MYO7B: variants seen among roughly 807,000 people sequenced by gnomAD.
MYO7B encodes the protein unconventional myosin-VIIb.
MYO7B carries 212 observed loss-of-function variants against 259.7 expected under a neutral mutation model. The ratio of observed to expected loss-of-function variants is 0.82; its 90% CI spans 0.73 to 0.91. MYO7B has a LOEUF of 0.91. MYO7B is among the 40% of genes least tolerant of loss of function. The pLI is 0.00. For missense variants in MYO7B, 2,732 were observed against 2,813.5 expected (o/e 0.97, Z 0.66); for synonymous variants, 1,197 against 1,166.4 (o/e 1.03, Z -0.54).
chr2:127,613,221 C>A lies in MYO7B; in HGVS notation c.3398+618C>A, dbSNP rs1034717258. On this transcript the variant is annotated intron_variant, in intron 26 of 47. Coordinates refer to ENST00000409816, the MANE Select transcript of MYO7B (RefSeq NM_001393586.1). This position sits in a 1 kb window ranked among gnomAD's most constrained non-coding sequence, Gnocchi z 4.3. ...AATCTAATTAAGCCTCTGTAAGATT[C>A]TTTTATATTGTTCTTCAGGTACCTA... is the stretch of plus-strand genomic sequence containing the variant. Among the ~76,000 whole-genome samples, 50 of 152,242 alleles carry A rather than the reference C, an allele frequency of 3.3e-4. No individual in the cohort carries two copies. Among genetic ancestry groups the A allele is most frequent in the African/African-American group, 1.2e-3 (48 of 41,548 alleles).
At chr2:127,582,101 G>C (rs1210571813) in intron 11 of MYO7B, 91 bp downstream of exon 11, 1 of 1,575,408 alleles carries the variant, frequency 6.3e-7, no homozygotes, top group East Asian at 2.3e-5. Context: ...ATGGAGCAGA[G>C]GGCCCTGGGC....
At position 127,636,348 on chromosome 2, in the gene MYO7B, C is replaced by T; in HGVS notation, c.6123+24C>T. The stretch of plus-strand genomic sequence containing the variant: ...AGGTAAACCTTGCCCCACGCCAGGG[C>T]CTCCTACCCAAGCAGGCTCCGCTCA... On this transcript the variant is annotated intron_variant, in intron 45 of 47. Transcript: ENST00000409816. The surrounding 1 kb of genome is among the most constrained non-coding windows in gnomAD (Gnocchi z 4.5). 1 of 1,594,316 alleles carries T rather than the reference C, an allele frequency of 6.3e-7. No individual in the cohort carries two copies.
intron 1 of MYO7B, among the ~76,000 whole-genome samples, chr2:127,549,999 T>C (rs531290957): frequency 2.2e-4 from 34 of 152,308 alleles, no homozygotes; most frequent in African/African-American, 8.2e-4. Context: ...TTTAAGAAGC[T>C]AGGACCATAG....
chr2:127,600,140 T>C (rs1408268276), intron 19 of MYO7B, among the ~76,000 whole-genome samples: 1 of 152,196 alleles, frequency 6.6e-6, no homozygotes, highest in African/African-American at 2.4e-5. Flanking sequence ...AATTTTTTTA[T>C]AGAGAGTTTT....
At chr2:127,601,566 T>C (rs2105006651) in intron 19 of MYO7B, among the ~76,000 whole-genome samples, 1 of 152,348 alleles carries the variant, frequency 6.6e-6, no homozygotes, top group African/African-American at 2.4e-5. Flanking sequence ...CTTCTCTGTC[T>C]CTGGTTATCT....
intron 30 of MYO7B, among the ~76,000 whole-genome samples, chr2:127,624,977 A>T (rs1681033778): frequency 6.6e-6 from 1 of 152,214 alleles, no homozygotes; most frequent in Admixed American, 6.5e-5. Flanking sequence ...TTGGTCTTCC[A>T]GAGGGAAGGG....
chr2:127,549,578 T>C (rs1047614818), intron 1 of MYO7B, among the ~76,000 whole-genome samples: 1 of 152,192 alleles, frequency 6.6e-6, no homozygotes, highest in African/African-American at 2.4e-5. Flanking sequence ...TTTCAGCAAT[T>C]GTTAGTTTCA....
chr2:127,617,410 G>A (rs867945829), intron 26 of MYO7B, among the ~76,000 whole-genome samples: 18 of 148,936 alleles, frequency 1.2e-4, no homozygotes, highest in Middle Eastern at 3.6e-3. Context: ...AAAACTTCCC[G>A]TTCTTTGTAC....
intron 2 of MYO7B, among the ~76,000 whole-genome samples, chr2:127,562,009 G>C (rs542917575): frequency 2.0e-4 from 30 of 146,688 alleles, no homozygotes; most frequent in African/African-American, 7.4e-4. Flanking sequence ...GAAAGAAAAA[G>C]AGAGAGAGAG....
chr2:127,554,369 C>T (rs902551977), intron 1 of MYO7B, among the ~76,000 whole-genome samples: 3 of 152,136 alleles, frequency 2.0e-5, no homozygotes, highest in Non-Finnish European at 2.9e-5. Flanking sequence ...CCACTGTGCC[C>T]GGACGTATCA....
chr2:127,577,297 G>A lies in MYO7B; in HGVS notation c.849+589G>A, dbSNP rs1390353149. Among the ~76,000 whole-genome samples the A allele has an allele frequency of 6.6e-6, 1 of 152,050 alleles. No individual in the cohort carries two copies. The highest frequency in any genetic ancestry group is 2.4e-5 in the African/African-American group (1 of 41,382). On this transcript the variant is annotated intron_variant, in intron 8 of 47. Transcript: ENST00000409816. The surrounding 1 kb of genome is among the most constrained non-coding windows in gnomAD (Gnocchi z 5.2). The stretch of plus-strand genomic sequence containing the variant: ...TCTCTCCTGGGTCCACTGCTCCAAG[G>A]CCTTCACCAGCCCCTGCCTAGACTT...
At chr2:127,553,043 C>T (rs1693508920) in intron 1 of MYO7B, among the ~76,000 whole-genome samples, 1 of 152,198 alleles carries the variant, frequency 6.6e-6, no homozygotes, top group South Asian at 2.1e-4. Context: ...CATTTCTTCT[C>T]AGAGCTTCCT....
intron 9 of MYO7B, 31 bp from the exon 10 acceptor site, chr2:127,580,715 T>C (rs1438380995): frequency 1.3e-6 from 2 of 1,597,644 alleles, no homozygotes; most frequent in African/African-American, 2.7e-5. Context: ...CAGGCTGCTT[T>C]CCAACTCAGC....
intron 19 of MYO7B, among the ~76,000 whole-genome samples, chr2:127,604,461 A>G (rs1280319750): frequency 1.3e-5 from 2 of 152,246 alleles, no homozygotes; most frequent in African/African-American, 4.8e-5. Flanking sequence ...CATATCAGCA[A>G]GAAGGCTGTT....
rs543391772 is a variant in MYO7B at position 127,597,272 on chromosome 2, C to G, written c.2339+716C>G. ...CGAGGCAGGCTGGCCACCCTGACTCCCAACATTTTAAATTAAACTTTTTGT... is the reference window on the plus strand; with the variant it reads ...CGAGGCAGGCTGGCCACCCTGACTCGCAACATTTTAAATTAAACTTTTTGT... On this transcript the variant is annotated intron_variant, in intron 19 of 47. Coordinates refer to ENST00000409816, the MANE Select transcript of MYO7B (RefSeq NM_001393586.1). The surrounding 1 kb of genome is among the most constrained non-coding windows in gnomAD (Gnocchi z 4.8). 8.5e-5 allele frequency among the ~76,000 whole-genome samples: 13 copies of G among 152,340 alleles called. 1 individual carries two copies. The highest frequency in any genetic ancestry group is 6.2e-4 in the South Asian group (3 of 4,830).
Position 127,569,980 on chromosome 2 carries a change from G to A in MYO7B, c.592+70G>A, listed in dbSNP as rs1472069308. The A allele has an allele frequency of 3.3e-6, 5 of 1,526,110 alleles. No individual in the cohort carries two copies. In the South Asian group the frequency reaches 3.8e-5, roughly 12 times the overall value. 94.5% of individuals were successfully genotyped at this position (1,526,110 alleles called of 1,614,324 possible). A position where few individuals can be genotyped will look rare whatever the true frequency, so the allele number is the denominator to read the frequency against. ...GAGCCTTCCTGCCAGGTAGGACCAT[G>A]GGGAGGGACAGGATAGGCCACAAAC... is the stretch of plus-strand genomic sequence containing the variant. On this transcript the variant is annotated intron_variant, in intron 6 of 47. Transcript: ENST00000409816.
In MYO7B at chr2:127,628,538, G is replaced by A. The variant is rs371082276; in HGVS notation, c.4624+3G>A. The A allele has an allele frequency of 6.7e-5, 97 of 1,448,322 alleles. No homozygotes were observed. The highest frequency in any genetic ancestry group is 8.6e-5 in the Non-Finnish European group (94 of 1,095,988). The allele number at this position is 1,448,322 out of a possible 1,614,324, so 89.7% of individuals were successfully genotyped here. Reference sequence around the variant, plus strand: ...CCTGCAGGACAGGAAGGCCACAGGTGCCAGACTGGGTGGGGTGGGGTGGGG... The same window carrying A: ...CCTGCAGGACAGGAAGGCCACAGGTACCAGACTGGGTGGGGTGGGGTGGGG... On this transcript the variant is annotated splice_donor_region_variant and intron_variant, in intron 34 of 47. Transcript: ENST00000409816. This position sits in a 1 kb window ranked among gnomAD's most constrained non-coding sequence, Gnocchi z 4.8.
At chr2:127,624,585 A>G (rs1471365974) in intron 30 of MYO7B, among the ~76,000 whole-genome samples, 3 of 152,166 alleles carry the variant, frequency 2.0e-5, no homozygotes, top group Non-Finnish European at 4.4e-5. Flanking sequence ...TGCTCTGTTT[A>G]TGGGGCAGTG....
In MYO7B at chr2:127,636,122, G is replaced by A; in HGVS notation, c.6007-86G>A. The A allele has an allele frequency of 8.3e-7, 1 of 1,211,582 alleles. No homozygotes were observed. The highest frequency in any genetic ancestry group is 1.2e-6 in the Non-Finnish European group (1 of 836,904). The allele number at this position is 1,211,582 out of a possible 1,614,324, so 75.1% of individuals were successfully genotyped here. A position where few individuals can be genotyped will look rare whatever the true frequency, so the allele number is the denominator to read the frequency against. Reference sequence around the variant, plus strand: ...CTCCCCTCCCCTCCCCACCGTACTAGCCCTGGGGTAGGCAGGTGCTGCCCC... The same window carrying A: ...CTCCCCTCCCCTCCCCACCGTACTAACCCTGGGGTAGGCAGGTGCTGCCCC... On this transcript the variant is annotated intron_variant, in intron 44 of 47. Coordinates refer to ENST00000409816, the MANE Select transcript of MYO7B (RefSeq NM_001393586.1). This position sits in a 1 kb window ranked among gnomAD's most constrained non-coding sequence, Gnocchi z 4.5.
Sources: allele counts gnomAD v4.1 joint callset (sites outside exome capture counted in the v4.1 genomes callset), GRCh38; gene constraint gnomAD v4.1.1; non-coding constraint Gnocchi (gnomAD v3.1); transcripts MANE v1.5; gene names NCBI Gene and HGNC (gene_info 2026-07-23, HGNC 2026-07-21).